RASGRF1: variants seen among roughly 807,000 people sequenced by gnomAD.
The protein encoded by RASGRF1 is ras-specific guanine nucleotide-releasing factor 1.
In RASGRF1, 40 loss-of-function variants were observed where a neutral mutation model predicts 138.7. That is an observed-to-expected ratio of 0.29 (90% CI 0.22 to 0.38). RASGRF1 has a LOEUF of 0.38. Ranked by LOEUF, RASGRF1 falls within the 10% of genes least tolerant of loss-of-function variation. The pLI, the probability that RASGRF1 is intolerant of heterozygous loss-of-function variation, is 1.00. For synonymous variants in RASGRF1, 614 were observed against 663.2 expected (o/e 0.93, Z 1.14); for missense variants, 1,108 against 1,650.4 (o/e 0.67, Z 5.69).
chr15:79,037,465 T>C (rs906077251), intron 5 of RASGRF1, among the ~76,000 whole-genome samples: 2 of 151,822 alleles, frequency 1.3e-5, no homozygotes, highest in Admixed American at 6.6e-5. Flanking sequence ...TTATTATTAT[T>C]ATTATATTTT....
Position 78,984,990 on chromosome 15 carries a change from C to G in RASGRF1, c.3414+17G>C, listed in dbSNP as rs1423922000. The G allele has an allele frequency of 6.2e-7, 1 of 1,611,732 alleles. No individual in the cohort carries two copies. The highest frequency in any genetic ancestry group is 1.7e-5 in the Admixed American group (1 of 59,984). On this transcript the variant is annotated intron_variant, in intron 23 of 26. Coordinates refer to ENST00000558480, the MANE Select transcript of RASGRF1 (RefSeq NM_001145648.3). ...TCCAGCCCCAGGGAGGCAGTGGTGC[C>G]AGCCTCCTGCCCGCACCTGCTTAGA...
At position 79,020,123 on chromosome 15, in the gene RASGRF1, G is replaced by A; in HGVS notation, c.1543-19C>T. ...CTCCATTCTGAAAAAGAGCAGCAGG[G>A]GCTGCTTTGGATTGAGGGGTAGATA... On this transcript the variant is annotated intron_variant, in intron 10 of 26. Coordinates refer to ENST00000558480, the MANE Select transcript of RASGRF1 (RefSeq NM_001145648.3). The A allele has an allele frequency of 6.2e-7, 1 of 1,611,582 alleles. No homozygotes were observed. Among genetic ancestry groups the A allele is most frequent in the Non-Finnish European group, 8.5e-7 (1 of 1,178,540 alleles).
intron 20 of RASGRF1, among the ~76,000 whole-genome samples, chr15:78,993,686 G>C (rs962174712): frequency 6.6e-6 from 1 of 152,114 alleles, no homozygotes; most frequent in African/African-American, 2.4e-5. Context: ...GTCCTGCCTG[G>C]TGCCCTGGGG....
At chr15:79,002,521 C>G (rs1411806159) in intron 15 of RASGRF1, among the ~76,000 whole-genome samples, 1 of 152,176 alleles carries the variant, frequency 6.6e-6, no homozygotes, top group Non-Finnish European at 1.5e-5. Flanking sequence ...CATGCACACG[C>G]ACACACATTT....
chr15:79,035,080 G>T (rs1488803960), intron 6 of RASGRF1, 51 bp downstream of exon 6: 1 of 1,485,648 alleles, frequency 6.7e-7, no homozygotes, highest in East Asian at 2.3e-5. Context: ...TTTTGGGGTG[G>T]CCCCTGGAGG....
At chr15:79,003,244 C>T (rs2056579808) in intron 15 of RASGRF1, among the ~76,000 whole-genome samples, 1 of 152,264 alleles carries the variant, frequency 6.6e-6, no homozygotes, top group African/African-American at 2.4e-5. Context: ...AAATTGAGAT[C>T]GAACAGTTCT....
intron 2 of RASGRF1, among the ~76,000 whole-genome samples, chr15:79,061,170 G>C (rs2057599161): frequency 1.3e-5 from 2 of 151,940 alleles, no homozygotes; most frequent in African/African-American, 4.8e-5. Context: ...TGGCTACAAG[G>C]AACTAAATCC....
chr15:79,021,145 C>T (rs2056955783), intron 10 of RASGRF1, among the ~76,000 whole-genome samples: 1 of 152,208 alleles, frequency 6.6e-6, no homozygotes, highest in African/African-American at 2.4e-5. Context: ...CTGAAATGCC[C>T]TGAGCCAAGA....
At chr15:79,053,146 T>C (rs1404067052) in intron 3 of RASGRF1, among the ~76,000 whole-genome samples, 1 of 152,040 alleles carries the variant, frequency 6.6e-6, no homozygotes, top group Non-Finnish European at 1.5e-5. Context: ...ACACCTGTAA[T>C]ACCAGCTAGT....
intron 21 of RASGRF1, 95 bp downstream of exon 21, chr15:78,991,596 G>T: frequency 1.0e-6 from 1 of 984,152 alleles, no homozygotes; most frequent in Non-Finnish European, 1.6e-6. Flanking sequence ...GAGGGTCCGT[G>T]CAGCTCTGGA....
At chr15:79,008,109 G>A (rs2056721440) in intron 13 of RASGRF1, among the ~76,000 whole-genome samples, 2 of 152,224 alleles carry the variant, frequency 1.3e-5, no homozygotes, top group Admixed American at 1.3e-4. Flanking sequence ...CCAGAGTGCT[G>A]GGATTACAGG....
At chr15:79,013,991 AAAC>A (rs1361201054) in intron 13 of RASGRF1, among the ~76,000 whole-genome samples, 1 of 152,256 alleles carries the variant, frequency 6.6e-6, no homozygotes, top group African/African-American at 2.4e-5. Context: ...GTTATATTTT[AAAC>A]AACCTAATAC....
chr15:78,991,638 C>T, intron 21 of RASGRF1, 53 bp downstream of exon 21: 1 of 1,458,102 alleles, frequency 6.9e-7, no homozygotes, highest in South Asian at 1.1e-5. Flanking sequence ...GGGTGCTGTC[C>T]AAGACAGTGC....
intron 17 of RASGRF1, 50 bp from the exon 18 acceptor site, chr15:78,998,875 CAG>C (rs776236710): frequency 1.0e-4 from 146 of 1,450,422 alleles, no homozygotes; most frequent in Non-Finnish European, 1.4e-4. Context: ...GGACAAGAAA[CAG>C]AGCTTGACAC....
intron 8 of RASGRF1, 102 bp downstream of exon 8, chr15:79,031,298 T>A: frequency 1.1e-6 from 1 of 898,150 alleles, no homozygotes; most frequent in South Asian, 1.7e-5. Flanking sequence ...ACAATCCCCA[T>A]CTGAACTCAA....
Position 78,988,390 on chromosome 15 carries a change from C to T in RASGRF1, c.3216+1799G>A, listed in dbSNP as rs80284604. Among the ~76,000 whole-genome samples the T allele has an allele frequency of 6.0e-3, 910 of 152,332 alleles. 8 individuals carry two copies. The highest frequency in any genetic ancestry group is 0.011 in the Non-Finnish European group (730 of 68,018). Reference sequence around the variant, plus strand: ...CTGGTGCTGTAAGGTGTGGTTGGATCAGGCCTCTGTCAGGTTATGTTTCCC... The same window carrying T: ...CTGGTGCTGTAAGGTGTGGTTGGATTAGGCCTCTGTCAGGTTATGTTTCCC... On this transcript the variant is annotated intron_variant, in intron 22 of 26. Transcript: ENST00000558480.
intron 1 of RASGRF1, among the ~76,000 whole-genome samples, chr15:79,068,615 TAC>T (rs141408068): frequency 0.11 from 17,206 of 149,784 alleles, 1,314 homozygotes; most frequent in East Asian, 0.24. Context: ...TGTGTATATA[TAC>T]ACACACACAC....
intron 1 of RASGRF1, among the ~76,000 whole-genome samples, chr15:79,081,185 G>T (rs2057909207): frequency 1.3e-5 from 2 of 152,222 alleles, no homozygotes. Flanking sequence ...GGAAGCCCCA[G>T]AGGGCATGGG....
chr15:79,083,588 TATTA>T (rs1305327814), intron 1 of RASGRF1, among the ~76,000 whole-genome samples: 1 of 152,236 alleles, frequency 6.6e-6, no homozygotes, highest in Non-Finnish European at 1.5e-5. Context: ...TTTCACCTGC[TATTA>T]ATTCTCTTTC....
Sources: gnomAD v4.1 joint callset for allele counts (sites outside exome capture counted in the v4.1 genomes callset) on GRCh38, gnomAD v4.1.1 for gene constraint, MANE v1.5 for transcripts, NCBI Gene and HGNC (gene_info 2026-07-23, HGNC 2026-07-21) for gene names.